ELP4: variants seen among roughly 807,000 people sequenced by gnomAD.
ELP4 encodes elongator acetyltransferase complex subunit 4.
A neutral mutation model predicts 48.9 loss-of-function variants in ELP4; 51 were observed. That is an observed-to-expected ratio of 1.04 (90% CI 0.83 to 1.32). The LOEUF is 1.32. Ranked by LOEUF, ELP4 falls within the 40% of genes most tolerant of loss-of-function variation. ELP4 has a pLI of 0.00. For missense variants in ELP4, 519 were observed against 514.6 expected (o/e 1.01, Z -0.08); for synonymous variants, 210 against 189.2 (o/e 1.11, Z -0.90).
intron 3 of ELP4, among the ~76,000 whole-genome samples, chr11:31,578,680 A>C (rs1420630413): frequency 6.6e-6 from 1 of 152,206 alleles, no homozygotes; most frequent in African/African-American, 2.4e-5. Context: ...CAAAAACAAG[A>C]AATGGGGAAA....
chr11:31,782,550 T>C (rs1403774543), intron 9 of ELP4, among the ~76,000 whole-genome samples: 2 of 152,246 alleles, frequency 1.3e-5, no homozygotes, highest in Non-Finnish European at 2.9e-5. Context: ...ATGAATTTGA[T>C]ATTCTTTTGA....
chr11:31,774,988 G>A (rs573364045), intron 9 of ELP4, among the ~76,000 whole-genome samples: 1 of 152,238 alleles, frequency 6.6e-6, no homozygotes, highest in South Asian at 2.1e-4. Flanking sequence ...TCAGCAAATA[G>A]CTTCCATTTT....
intron 9 of ELP4, among the ~76,000 whole-genome samples, chr11:31,737,293 G>A (rs868196163): frequency 1.1e-3 from 160 of 152,058 alleles, no homozygotes; most frequent in Middle Eastern, 3.4e-3. Context: ...ACAGGAAGGG[G>A]AACATCACAC....
intron 9 of ELP4, among the ~76,000 whole-genome samples, chr11:31,731,036 C>T (rs183572547): frequency 3.8e-4 from 58 of 151,898 alleles, no homozygotes; most frequent in Non-Finnish European, 6.0e-4. Flanking sequence ...GAAGACACAT[C>T]AGAGAAAAAG....
intron 9 of ELP4, chr11:31,652,850 AAAGGG>A (rs1197445655): frequency 1.3e-5 from 2 of 151,674 alleles, no homozygotes; most frequent in African/African-American, 4.8e-5. Context: ...CATGGTCTCA[AAAGGG>A]GGCAAGGTTG....
intron 9 of ELP4, among the ~76,000 whole-genome samples, chr11:31,760,532 T>TAAACATTTA (rs1423363910): frequency 1.3e-5 from 2 of 152,212 alleles, no homozygotes; most frequent in East Asian, 3.8e-4. Flanking sequence ...AAATGTATTA[T>TAAACATTTA]AAAAACATTA....
chr11:31,511,535 A>C (rs939760674), intron 1 of ELP4: 3 of 152,234 alleles, frequency 2.0e-5, no homozygotes, highest in Non-Finnish European at 4.4e-5. Context: ...AGAAATTATG[A>C]AACATGTAGA....
intron 9 of ELP4, among the ~76,000 whole-genome samples, chr11:31,657,649 T>G (rs1260056846): frequency 6.6e-6 from 1 of 151,952 alleles, no homozygotes; most frequent in African/African-American, 2.4e-5. Flanking sequence ...TACATTATTA[T>G]ATTTAATTTT....
chr11:31,616,457 A>C (rs1436098529), intron 5 of ELP4, among the ~76,000 whole-genome samples: 1 of 152,114 alleles, frequency 6.6e-6, no homozygotes, highest in African/African-American at 2.4e-5. Flanking sequence ...CATAAGATTC[A>C]AAACTATTAA....
intron 9 of ELP4, among the ~76,000 whole-genome samples, chr11:31,757,480 C>T (rs1352316684): frequency 6.6e-6 from 1 of 152,004 alleles, no homozygotes; most frequent in East Asian, 1.9e-4. Flanking sequence ...GCACACTGTT[C>T]CTCTTAAACA....
chr11:31,639,249 T>A (rs1043778199), intron 7 of ELP4, among the ~76,000 whole-genome samples: 2 of 151,910 alleles, frequency 1.3e-5, no homozygotes, highest in African/African-American at 4.8e-5. Context: ...ATAAGAAATT[T>A]ACGTATTTAA....
intron 2 of ELP4, among the ~76,000 whole-genome samples, chr11:31,528,027 G>A (rs182610389): frequency 1.5e-4 from 22 of 151,690 alleles, no homozygotes; most frequent in Middle Eastern, 3.4e-3. Flanking sequence ...TCTTGTTTTT[G>A]AAGTCCCCAG....
chr11:31,742,939 A>G (rs1276353817), intron 9 of ELP4, among the ~76,000 whole-genome samples: 1 of 152,218 alleles, frequency 6.6e-6, no homozygotes, highest in East Asian at 1.9e-4. Context: ...TGCTCCAATT[A>G]AAAGACACAG....
chr11:31,662,326 T>G (rs778811166), intron 9 of ELP4, among the ~76,000 whole-genome samples: 8 of 152,128 alleles, frequency 5.3e-5, no homozygotes, highest in Non-Finnish European at 1.2e-4. Context: ...TTGGAAATGT[T>G]CTTAAGCTTT....
At chr11:31,516,279 T>C (rs780793282) in intron 1 of ELP4, among the ~76,000 whole-genome samples, 1 of 152,216 alleles carries the variant, frequency 6.6e-6, no homozygotes, top group Non-Finnish European at 1.5e-5. Flanking sequence ...CTGCTCTAGC[T>C]TAGACACCAT....
At chr11:31,664,251 T>A (rs1175739837) in intron 9 of ELP4, 2 of 152,118 alleles carry the variant, frequency 1.3e-5, no homozygotes, top group African/African-American at 4.8e-5. Flanking sequence ...TGTAAGAGAT[T>A]TCATGGTCCC....
At chr11:31,580,208 C>T (rs1957364858) in intron 3 of ELP4, among the ~76,000 whole-genome samples, 1 of 152,162 alleles carries the variant, frequency 6.6e-6, no homozygotes, top group South Asian at 2.1e-4. Context: ...TTGCCCCAAA[C>T]ACCAATTGTT....
chr11:31,543,118 A>G (rs963079697), intron 3 of ELP4, among the ~76,000 whole-genome samples: 3 of 152,082 alleles, frequency 2.0e-5, no homozygotes, highest in African/African-American at 7.2e-5. Context: ...TAGACTGGGG[A>G]AAAAAAAGAT....
intron 9 of ELP4, chr11:31,687,807 G>A (rs372516225): frequency 6.6e-6 from 1 of 152,080 alleles, no homozygotes; most frequent in African/African-American, 2.4e-5. Context: ...ATTAAACTTT[G>A]TATTTTTCTA....
Sources: allele counts gnomAD v4.1 joint callset (sites outside exome capture counted in the v4.1 genomes callset), GRCh38; gene constraint gnomAD v4.1.1; transcripts MANE v1.5; gene names NCBI Gene and HGNC (gene_info 2026-07-23, HGNC 2026-07-21).